OXCT1: variants seen among roughly 807,000 people sequenced by gnomAD.
The protein encoded by OXCT1 is 3-oxoacid CoA-transferase 1.
OXCT1 carries 27 observed loss-of-function variants against 69.6 expected under a neutral mutation model. That is an observed-to-expected ratio of 0.39 (90% confidence interval 0.29 to 0.54). The LOEUF (loss-of-function observed/expected upper bound fraction) is 0.54. Ranked by LOEUF, OXCT1 falls within the 20% of genes least tolerant of loss-of-function variation. OXCT1 has a pLI of 0.72. For synonymous variants in OXCT1, 202 were observed against 217.8 expected (o/e 0.93, Z 0.64); for missense variants, 437 against 650.2 (o/e 0.67, Z 3.57).
At position 41,786,507 on chromosome 5, in the gene OXCT1, T is replaced by A. The variant is rs1745650253; in HGVS notation, c.1248+7496A>T. On this transcript the variant is annotated intron_variant, in intron 13 of 16. Transcript: ENST00000196371. The stretch of plus-strand genomic sequence containing the variant: ...AGCTGGGAGATCAAAAATGAGGAGA[T>A]GCATTGCTTTTGAATGATTATTAAA... Among the ~76,000 whole-genome samples, 3 of 152,312 alleles carry A rather than the reference T, an allele frequency of 2.0e-5. No individual in the cohort carries two copies. In the South Asian group the frequency reaches 6.2e-4, roughly 32 times the overall value.
At chr5:41,750,527 C>G (rs889710344) in intron 14 of OXCT1, among the ~76,000 whole-genome samples, 2 of 152,108 alleles carry the variant, frequency 1.3e-5, no homozygotes, top group Non-Finnish European at 2.9e-5. Flanking sequence ...GATAGCTACT[C>G]TAACATATTC....
chr5:41,825,803 T>C (rs1747781247), intron 7 of OXCT1, among the ~76,000 whole-genome samples: 1 of 152,216 alleles, frequency 6.6e-6, no homozygotes, highest in Admixed American at 6.5e-5. Flanking sequence ...CAGACACAGC[T>C]ACCCAGTCTT....
intron 5 of OXCT1, among the ~76,000 whole-genome samples, chr5:41,845,873 G>C (rs1208643192): frequency 6.6e-6 from 1 of 151,890 alleles, no homozygotes; most frequent in African/African-American, 2.4e-5. Context: ...AAAGGAAAAA[G>C]ATCAAACATA....
At chr5:41,794,921 A>G (rs937860692) in intron 11 of OXCT1, among the ~76,000 whole-genome samples, 172 bp from the exon 12 acceptor site, 1 of 152,170 alleles carries the variant, frequency 6.6e-6, no homozygotes, top group Non-Finnish European at 1.5e-5. Context: ...GGTGGAAAGC[A>G]TTTTGTCACT....
chr5:41,806,997 T>A (rs1262939825), intron 8 of OXCT1, among the ~76,000 whole-genome samples: 1 of 151,946 alleles, frequency 6.6e-6, no homozygotes, highest in African/African-American at 2.4e-5. Context: ...ACAGCAGGGA[T>A]AAAACCACCA....
chr5:41,815,612 G>A (rs957377169), intron 7 of OXCT1, among the ~76,000 whole-genome samples: 1 of 151,974 alleles, frequency 6.6e-6, no homozygotes, highest in African/African-American at 2.4e-5. Context: ...TTAGGACTGT[G>A]GCAAATCCAG....
rs527251406 is a variant in OXCT1 at position 41,760,150 on chromosome 5, C to T, written c.1338+1961G>A. ...GTCTTCCCTTGAGCTGGGCCAGTAACCATGAGTCCAGGTGAACAAAATAGT... is the reference window on the plus strand; with the variant it reads ...GTCTTCCCTTGAGCTGGGCCAGTAATCATGAGTCCAGGTGAACAAAATAGT... On this transcript the variant is annotated intron_variant, in intron 14 of 16. Coordinates refer to ENST00000196371, the MANE Select transcript of OXCT1 (RefSeq NM_000436.4). 7.2e-4 allele frequency among the ~76,000 whole-genome samples: 109 copies of T among 152,192 alleles called. 1 individual carries two copies. The highest frequency in any genetic ancestry group is 2.6e-3 in the African/African-American group (108 of 41,542).
At chr5:41,842,821 G>T in intron 5 of OXCT1, 40 bp from the exon 6 acceptor site, 1 of 1,309,314 alleles carries the variant, frequency 7.6e-7, no homozygotes, top group Non-Finnish European at 1.1e-6. Flanking sequence ...TATTTGCATA[G>T]GTCTTGATTG....
chr5:41,783,638 G>A (rs1745514065), intron 13 of OXCT1, among the ~76,000 whole-genome samples: 1 of 152,176 alleles, frequency 6.6e-6, no homozygotes, highest in Admixed American at 6.5e-5. Context: ...ATTCAAAGAT[G>A]ACCAAAATCC....
intron 13 of OXCT1, among the ~76,000 whole-genome samples, chr5:41,772,545 T>C (rs1415825665): frequency 6.6e-6 from 1 of 152,198 alleles, no homozygotes; most frequent in East Asian, 1.9e-4. Flanking sequence ...GTACGTGCCC[T>C]ATTAAGCAAG....
intron 14 of OXCT1, among the ~76,000 whole-genome samples, chr5:41,761,277 G>T (rs1019642215): frequency 2.0e-5 from 3 of 152,058 alleles, no homozygotes; most frequent in Admixed American, 2.0e-4. Flanking sequence ...GAGACACCAG[G>T]TCTAATCAGA....
intron 16 of OXCT1, 117 bp from the exon 17 acceptor site, chr5:41,731,887 C>G: frequency 8.5e-7 from 1 of 1,181,082 alleles, no homozygotes; most frequent in East Asian, 2.6e-5. Context: ...ATGGACATTC[C>G]CTGGAGTTTC....
At chr5:41,851,014 A>C (rs1057504336) in intron 4 of OXCT1, among the ~76,000 whole-genome samples, 6 of 152,120 alleles carry the variant, frequency 3.9e-5, no homozygotes, top group Admixed American at 2.6e-4. Context: ...AGTAGTTAAA[A>C]ATTGGGGCTG....
intron 13 of OXCT1, among the ~76,000 whole-genome samples, chr5:41,781,402 G>T (rs1745393590): frequency 6.7e-6 from 1 of 148,438 alleles, no homozygotes; most frequent in Non-Finnish European, 1.5e-5. Flanking sequence ...CTGAGGTCTA[G>T]AAAGATAAAG....
At chr5:41,760,694 G>T (rs1391528953) in intron 14 of OXCT1, among the ~76,000 whole-genome samples, 2 of 152,080 alleles carry the variant, frequency 1.3e-5, no homozygotes, top group East Asian at 3.9e-4. Flanking sequence ...AAAAGATTTG[G>T]ATTTGATTTG....
At chr5:41,824,149 C>T (rs1299979285) in intron 7 of OXCT1, among the ~76,000 whole-genome samples, 1 of 152,170 alleles carries the variant, frequency 6.6e-6, no homozygotes, top group Non-Finnish European at 1.5e-5. Flanking sequence ...ATGTTTAGAT[C>T]TTAACTCTTC....
rs185659338 is a variant in OXCT1, at chr5:41,731,538, T to C, written c.*191A>G. The C allele has an allele frequency of 4.8e-3, 4,544 of 954,586 alleles. 8 individuals are homozygous for C. The highest frequency in any genetic ancestry group is 6.4e-3 in the Non-Finnish European group (4,173 of 656,466). 59.1% of individuals were successfully genotyped at this position (954,586 alleles called of 1,614,324 possible). A position where few individuals can be genotyped will look rare whatever the true frequency, so the allele number is the denominator to read the frequency against. On this transcript the variant is annotated 3_prime_UTR_variant, in exon 17 of 17. Transcript: ENST00000196371. ...TAACAAATGAGATAATTATAAATGC[T>C]CCTTTTGCTTTTTATTAAAATGTCA... is the stretch of plus-strand genomic sequence containing the variant.
chr5:41,784,971 C>G (rs1745578131), intron 13 of OXCT1, among the ~76,000 whole-genome samples: 1 of 152,086 alleles, frequency 6.6e-6, no homozygotes, highest in South Asian at 2.1e-4. Context: ...AATAAGGAAA[C>G]TAAACATTAG....
At chr5:41,854,488 T>G (rs1749336092) in intron 3 of OXCT1, among the ~76,000 whole-genome samples, 1 of 152,188 alleles carries the variant, frequency 6.6e-6, no homozygotes, top group Non-Finnish European at 1.5e-5. Flanking sequence ...AGACTGAAGA[T>G]CATCTTCCAT....
Sources: allele counts gnomAD v4.1 joint callset (sites outside exome capture counted in the v4.1 genomes callset), GRCh38; gene constraint gnomAD v4.1.1; transcripts MANE v1.5; gene names NCBI Gene and HGNC (gene_info 2026-07-23, HGNC 2026-07-21).